Variants in BAIAP2L1 observed in about 807,000 individuals in gnomAD.
The protein encoded by BAIAP2L1 is BAR/IMD domain containing adaptor protein 2 like 1, also known as BAR/IMD domain-containing adapter protein 2-like 1.
A neutral mutation model predicts 66.3 loss-of-function variants in BAIAP2L1; 35 were observed. The ratio of observed to expected loss-of-function variants is 0.53; its 90% CI spans 0.40 to 0.70. The LOEUF is 0.70. BAIAP2L1 is among the 30% of genes least tolerant of loss of function. The probability of loss-of-function intolerance (pLI) is 0.00; values close to 1 mark genes in which losing one functional copy is unlikely to be tolerated. For missense variants in BAIAP2L1, 622 were observed against 656.9 expected (o/e 0.95, Z 0.58); for synonymous variants, 269 against 248.7 (o/e 1.08, Z -0.77).
intron 2 of BAIAP2L1, among the ~76,000 whole-genome samples, chr7:98,358,034 A>G (rs1482158399): frequency 1.3e-5 from 2 of 152,226 alleles, no homozygotes; most frequent in Admixed American, 1.3e-4. Flanking sequence ...TGAAGATGTT[A>G]AGTTGTAAAG....
rs528155884 is a variant in BAIAP2L1 at position 98,353,291 on chromosome 7, C to A, written c.214+1751G>T. Among the ~76,000 whole-genome samples, 5 of 146,482 alleles carry A rather than the reference C, an allele frequency of 3.4e-5. No individual in the cohort carries two copies. In the East Asian group the frequency reaches 7.9e-4, roughly 23 times the overall value. On this transcript the variant is annotated intron_variant, in intron 3 of 13. Transcript: ENST00000005260. ...AATCCTAGAGGCCAAGAGTTCAAGA[C>A]CAACCTGGCCAACACAGAGAGACCC...
At chr7:98,376,012 ATACT>A (rs377407984) in intron 1 of BAIAP2L1, among the ~76,000 whole-genome samples, 6 of 152,210 alleles carry the variant, frequency 3.9e-5, no homozygotes, top group Admixed American at 1.3e-4. Flanking sequence ...GTGTTAAAAA[ATACT>A]TACATAAATC....
intron 9 of BAIAP2L1, chr7:98,309,355 A>G (rs1479884126): frequency 6.6e-6 from 1 of 151,720 alleles, no homozygotes; most frequent in Non-Finnish European, 1.5e-5. Context: ...GGGTTTCACC[A>G]TATTGGCCAG....
In BAIAP2L1 at chr7:98,292,342, C is replaced by T; in HGVS notation, c.*1179G>A. 2.7e-6 allele frequency: 1 copy of T among 374,810 alleles called. No homozygotes were observed. Among genetic ancestry groups the T allele is most frequent in the Non-Finnish European group, 5.0e-6 (1 of 201,460 alleles). The allele number at this position is 374,810 out of a possible 1,614,324, so 23.2% of individuals were successfully genotyped here. A position where few individuals can be genotyped will look rare whatever the true frequency, so the allele number is the denominator to read the frequency against. The stretch of plus-strand genomic sequence containing the variant: ...GTTCAAGTGATTCTCCTGCCTCAGC[C>T]TCCTGAGTGGCGCCCACCACCACAC... On this transcript the variant is annotated 3_prime_UTR_variant, in exon 14 of 14. Coordinates refer to ENST00000005260, the MANE Select transcript of BAIAP2L1 (RefSeq NM_018842.5).
chr7:98,380,779 A>ACCG (rs150115179), intron 1 of BAIAP2L1, among the ~76,000 whole-genome samples: 2 of 128,880 alleles, frequency 1.6e-5, no homozygotes, highest in Non-Finnish European at 1.6e-5. Flanking sequence ...AACCACCACC[A>ACCG]CCGCCACTAC....
At chr7:98,375,688 G>A (rs1802609605) in intron 1 of BAIAP2L1, among the ~76,000 whole-genome samples, 1 of 149,740 alleles carries the variant, frequency 6.7e-6, no homozygotes. Context: ...GGCGGAGGTT[G>A]CGGTGATCAC....
chr7:98,365,645 A>G (rs1802375260), intron 1 of BAIAP2L1, among the ~76,000 whole-genome samples: 1 of 151,818 alleles, frequency 6.6e-6, no homozygotes, highest in Admixed American at 6.6e-5. Context: ...CGCCTGGCTA[A>G]TTTTTTGTAT....
At chr7:98,326,429 A>C (rs967787219) in intron 3 of BAIAP2L1, among the ~76,000 whole-genome samples, 4 of 152,242 alleles carry the variant, frequency 2.6e-5, no homozygotes, top group African/African-American at 9.6e-5. Flanking sequence ...ATGTCTTACA[A>C]GGAGACATTG....
At chr7:98,395,667 T>C (rs947292095) in intron 1 of BAIAP2L1, among the ~76,000 whole-genome samples, 2 of 152,184 alleles carry the variant, frequency 1.3e-5, no homozygotes, top group Non-Finnish European at 2.9e-5. Flanking sequence ...TAAAATATAT[T>C]TGCATGTGTC....
At chr7:98,352,599 G>A (rs1396073291) in intron 3 of BAIAP2L1, among the ~76,000 whole-genome samples, 1 of 152,082 alleles carries the variant, frequency 6.6e-6, no homozygotes, top group African/African-American at 2.4e-5. Context: ...CCAAGATCAC[G>A]CCACTGCACT....
At chr7:98,330,584 T>A (rs1562975761) in intron 3 of BAIAP2L1, among the ~76,000 whole-genome samples, 1 of 151,954 alleles carries the variant, frequency 6.6e-6, no homozygotes, top group Non-Finnish European at 1.5e-5. Flanking sequence ...TTGAACCCTG[T>A]AGGCGGAGGT....
chr7:98,293,570 T>C lies in BAIAP2L1; in HGVS notation c.1487A>G (p.Lys496Arg). The stretch of plus-strand genomic sequence containing the variant: ...ATCATTCGTCACAGTCGGGCGGAGT[T>C]TCACAGTGGCAAAGGGGTTTTCTCC... ...LSGENPFATV[K>R]LRPTVTNDRS... Residue 496 changes from lysine to arginine, a missense_variant, in exon 14 of 14, where the codon AAA (lysine) becomes AGA (arginine). Lys to Arg is a conservative substitution (Grantham distance 26). Transcript: ENST00000005260. 3.1e-6 allele frequency: 5 copies of C among 1,613,880 alleles called. No individual in the cohort carries two copies. The highest frequency in any genetic ancestry group is 4.2e-6 in the Non-Finnish European group (5 of 1,179,912).
At chr7:98,318,531 G>A (rs1159261031) in intron 5 of BAIAP2L1, among the ~76,000 whole-genome samples, 1 of 151,762 alleles carries the variant, frequency 6.6e-6, no homozygotes, top group East Asian at 2.0e-4. Flanking sequence ...CACCCGCCTT[G>A]GCCTCCCAAA....
At chr7:98,374,412 G>T (rs150348190) in intron 1 of BAIAP2L1, among the ~76,000 whole-genome samples, 4 of 152,272 alleles carry the variant, frequency 2.6e-5, no homozygotes, top group African/African-American at 7.2e-5. Context: ...AGATACCAAA[G>T]CTTTGAAATG....
Position 98,293,005 on chromosome 7 carries a change from TTTAAG to T in BAIAP2L1, c.*511_*515del. ...CTCTGGAAGCTCTACACTTAAACAT[TTTAAG>T]TTAAATTACATTTATATAGTATTTT... On this transcript the variant is annotated 3_prime_UTR_variant, in exon 14 of 14. Coordinates refer to ENST00000005260, the MANE Select transcript of BAIAP2L1 (RefSeq NM_018842.5). The T allele has an allele frequency of 2.7e-6, 3 of 1,112,626 alleles. No individual in the cohort carries two copies. Among genetic ancestry groups the T allele is most frequent in the Non-Finnish European group, 3.3e-6 (3 of 904,820 alleles). The allele number at this position is 1,112,626 out of a possible 1,614,324, so 68.9% of individuals were successfully genotyped here. A position where few individuals can be genotyped will look rare whatever the true frequency, so the allele number is the denominator to read the frequency against.
chr7:98,340,986 G>T, intron 3 of BAIAP2L1, among the ~76,000 whole-genome samples: 2 of 117,634 alleles, frequency 1.7e-5, no homozygotes, highest in African/African-American at 3.1e-5. Flanking sequence ...GTCTCTTACA[G>T]GTTTTATAAA....
rs1395208286 is a variant in BAIAP2L1 at position 98,292,152 on chromosome 7, C to T, written c.*1369G>A. On this transcript the variant is annotated 3_prime_UTR_variant, in exon 14 of 14. Coordinates refer to ENST00000005260, the MANE Select transcript of BAIAP2L1 (RefSeq NM_018842.5). ...GCATCGGCCACGTCCACTGGCTTACCTGCATGTAACCTTTCCCAATCTCAG... is the reference window on the plus strand; with the variant it reads ...GCATCGGCCACGTCCACTGGCTTACTTGCATGTAACCTTTCCCAATCTCAG... 1 of 156,118 alleles carries T rather than the reference C, an allele frequency of 6.4e-6. No homozygotes were observed. The highest frequency in any genetic ancestry group is 2.4e-5 in the African/African-American group (1 of 41,510). 9.7% of individuals were successfully genotyped at this position (156,118 alleles called of 1,614,324 possible).
Position 98,293,705 on chromosome 7 carries a change from C to CT in BAIAP2L1, c.1461-110dup, listed in dbSNP as rs1208004837. 2.8e-6 allele frequency: 3 copies of CT among 1,065,200 alleles called. No individual in the cohort carries two copies. In the African/African-American group the frequency reaches 4.6e-5, roughly 16 times the overall value. The allele number at this position is 1,065,200 out of a possible 1,614,324, so 66.0% of individuals were successfully genotyped here. ...CCTGTGAGACTGGGCGGCTGACCACCTCCCCAGCTTGTACAGGTCCCAGCA... is the reference window on the plus strand; with the variant it reads ...CCTGTGAGACTGGGCGGCTGACCACCTTCCCCAGCTTGTACAGGTCCCAGCA... On this transcript the variant is annotated intron_variant, in intron 13 of 13. Coordinates refer to ENST00000005260, the MANE Select transcript of BAIAP2L1 (RefSeq NM_018842.5).
At position 98,292,374 on chromosome 7, in the gene BAIAP2L1, A is replaced by C; in HGVS notation, c.*1147T>G. On this transcript the variant is annotated 3_prime_UTR_variant, in exon 14 of 14. Coordinates refer to ENST00000005260, the MANE Select transcript of BAIAP2L1 (RefSeq NM_018842.5). ...GTGGCGCCCACCACCACACCTGTCT[A>C]ATTTTTGTATTTTTAGTAGAGACTC... 1 of 439,464 alleles carries C rather than the reference A, an allele frequency of 2.3e-6. No homozygotes were observed. Among genetic ancestry groups the C allele is most frequent in the Admixed American group, 3.7e-5 (1 of 26,860 alleles). The allele number at this position is 439,464 out of a possible 1,614,324, so 27.2% of individuals were successfully genotyped here. A position where few individuals can be genotyped will look rare whatever the true frequency, so the allele number is the denominator to read the frequency against.
Sources: allele counts gnomAD v4.1 joint callset (sites outside exome capture counted in the v4.1 genomes callset), GRCh38; gene constraint gnomAD v4.1.1; transcripts MANE v1.5; gene names NCBI Gene and HGNC (gene_info 2026-07-23, HGNC 2026-07-21).